GALK2: variants seen among roughly 807,000 people sequenced by gnomAD.
The protein encoded by GALK2 is galactokinase 2, also known as N-acetylgalactosamine kinase.
In GALK2, 36 loss-of-function variants were observed where a neutral mutation model predicts 52.4. The observed-to-expected ratio is 0.69, with a 90% CI of 0.53 to 0.91. The LOEUF is 0.91. Ranked by LOEUF, GALK2 falls within the 40% of genes least tolerant of loss-of-function variation. The probability of loss-of-function intolerance (pLI) is 0.00; values close to 1 mark genes in which losing one functional copy is unlikely to be tolerated. For synonymous variants in GALK2, 176 were observed against 199.1 expected, an observed-to-expected ratio of 0.88 and a Z score of 0.98; for missense variants, 579 against 559.1, an observed-to-expected ratio of 1.04 and a Z score of -0.36.
At chr15:49,366,378 T>A in intron 3 of GALK2, 1 of 791,316 alleles carries the variant, frequency 1.3e-6, no homozygotes, top group Non-Finnish European at 2.3e-6. Context: ...TTCTGTGCAT[T>A]TCTGGTGTTT....
intron 3 of GALK2, among the ~76,000 whole-genome samples, chr15:49,364,598 A>G (rs1294487129): frequency 2.0e-5 from 3 of 152,196 alleles, no homozygotes; most frequent in Admixed American, 2.0e-4. Context: ...AAAAAAACAT[A>G]CTACAAAAAT....
intron 1 of GALK2, among the ~76,000 whole-genome samples, chr15:49,189,845 GTTGT>G (rs1277643872): frequency 2.0e-5 from 3 of 152,120 alleles, no homozygotes; most frequent in East Asian, 1.9e-4. Context: ...AAACTTAGGA[GTTGT>G]TTATTTCTGT....
chr15:49,332,225 T>G (rs1017944993), downstream of GALK2, among the ~76,000 whole-genome samples: 4 of 152,112 alleles, frequency 2.6e-5, no homozygotes, highest in Non-Finnish European at 5.9e-5. Context: ...CAGTGGCACA[T>G]CCTCTTCAGT....
intron 8 of GALK2, among the ~76,000 whole-genome samples, chr15:49,308,793 A>C (rs2035753177): frequency 6.6e-6 from 1 of 152,210 alleles, no homozygotes; most frequent in African/African-American, 2.4e-5. Context: ...GGAGACTGGA[A>C]ATTTGATCAT....
At chr15:49,221,829 A>G (rs1200801839) in intron 3 of GALK2, among the ~76,000 whole-genome samples, 2 of 152,116 alleles carry the variant, frequency 1.3e-5, no homozygotes, top group South Asian at 2.1e-4. Flanking sequence ...TTTTGAGGTC[A>G]GATAGCGTGA....
In GALK2 at chr15:49,329,008, TTTC is replaced by T. The variant is rs201186301; in HGVS notation, c.*852_*854del. ...TAATTCAGTTTGTTCATAGAATTAC[TTTC>T]TTATCACTCTTTTTCTACTACTTTT... On this transcript the variant is annotated 3_prime_UTR_variant, in exon 10 of 10. Transcript: ENST00000560031. The T allele has an allele frequency of 3.8e-3, 3,834 of 1,015,682 alleles. 128 individuals carry two copies. The African/African-American group carries it at 0.063, about 17-fold the overall frequency. The allele number at this position is 1,015,682 out of a possible 1,614,324, so 62.9% of individuals were successfully genotyped here.
At chr15:49,206,447 C>A (rs924829442) in intron 2 of GALK2, among the ~76,000 whole-genome samples, 2 of 151,880 alleles carry the variant, frequency 1.3e-5, no homozygotes, top group African/African-American at 4.8e-5. Flanking sequence ...TTGATTCTAC[C>A]CATCCATGAG....
Position 49,328,362 on chromosome 15 carries a change from A to G in GALK2, c.*203A>G. ...TTCCATCTTAAAATATGGTTTTACT[A>G]TTAAGAGCCAAGATCATGCTTGGAC... On this transcript the variant is annotated 3_prime_UTR_variant, in exon 10 of 10. Transcript: ENST00000560031. 5.6e-6 allele frequency: 8 copies of G among 1,429,284 alleles called. No homozygotes were observed. Among genetic ancestry groups the G allele is most frequent in the Non-Finnish European group, 7.3e-6 (8 of 1,095,232 alleles). The allele number at this position is 1,429,284 out of a possible 1,614,324, so 88.5% of individuals were successfully genotyped here.
Position 49,328,234 on chromosome 15 carries a change from T to C in GALK2, c.*75T>C. On this transcript the variant is annotated 3_prime_UTR_variant, in exon 10 of 10. Coordinates refer to ENST00000560031, the MANE Select transcript of GALK2 (RefSeq NM_002044.4). ...CAGGACTTTCTGTGCCACAGTAAAT[T>C]AATCTTCCTTCTGTTTTGTATTATG... is the stretch of plus-strand genomic sequence containing the variant. 3 of 1,510,894 alleles carry C rather than the reference T, an allele frequency of 2.0e-6. No individual in the cohort carries two copies. Among genetic ancestry groups the C allele is most frequent in the Non-Finnish European group, 1.8e-6 (2 of 1,128,088 alleles). 93.6% of individuals were successfully genotyped at this position (1,510,894 alleles called of 1,614,324 possible). A position where few individuals can be genotyped will look rare whatever the true frequency, so the allele number is the denominator to read the frequency against.
At chr15:49,352,291 A>G (rs1327931497) in intron 3 of GALK2, among the ~76,000 whole-genome samples, 1 of 152,248 alleles carries the variant, frequency 6.6e-6, no homozygotes, top group African/African-American at 2.4e-5. Context: ...ATTACAAAAG[A>G]CTGTTCAAAC....
chr15:49,220,618 A>G (rs1031940861), intron 3 of GALK2, among the ~76,000 whole-genome samples: 15 of 152,214 alleles, frequency 9.9e-5, no homozygotes, highest in African/African-American at 3.6e-4. Context: ...TTGCTGGATC[A>G]TATGGTAGTT....
chr15:49,303,072 C>T (rs1277500700), intron 8 of GALK2, among the ~76,000 whole-genome samples: 1 of 152,072 alleles, frequency 6.6e-6, no homozygotes, highest in Admixed American at 6.6e-5. Context: ...TTTTGCCCAT[C>T]AGCTTCTATT....
At chr15:49,209,232 A>T (rs1050096406) in intron 2 of GALK2, among the ~76,000 whole-genome samples, 1 of 152,128 alleles carries the variant, frequency 6.6e-6, no homozygotes, top group Non-Finnish European at 1.5e-5. Flanking sequence ...AAAGCTTTTT[A>T]TGGTTTTTAG....
intron 5 of GALK2, among the ~76,000 whole-genome samples, chr15:49,264,128 T>C (rs1036261121): frequency 3.3e-5 from 5 of 151,672 alleles, no homozygotes; most frequent in African/African-American, 1.2e-4. Context: ...CCTTGCTAGA[T>C]TGGGGAAGTT....
chr15:49,268,360 G>T (rs1467953718), intron 5 of GALK2, among the ~76,000 whole-genome samples: 1 of 152,188 alleles, frequency 6.6e-6, no homozygotes, highest in Non-Finnish European at 1.5e-5. Context: ...AAGCTGAGTT[G>T]CAGGTACAAG....
At chr15:49,191,320 A>G (rs982754167) in intron 1 of GALK2, among the ~76,000 whole-genome samples, 11 of 151,874 alleles carry the variant, frequency 7.2e-5, no homozygotes, top group Non-Finnish European at 1.6e-4. Context: ...AAATTTGGCT[A>G]TTGTCTCTCT....
chr15:49,354,488 C>G (rs985113766), intron 3 of GALK2, among the ~76,000 whole-genome samples: 2 of 152,096 alleles, frequency 1.3e-5, no homozygotes, highest in African/African-American at 4.8e-5. Context: ...GGGTGACGGA[C>G]GGCACCTGGA....
At chr15:49,171,774 C>CTTTT (rs199923207) in intron 1 of GALK2, among the ~76,000 whole-genome samples, 3 of 130,996 alleles carry the variant, frequency 2.3e-5, no homozygotes, top group Non-Finnish European at 1.7e-5. Flanking sequence ...GTAGTTTAGT[C>CTTTT]TTATTTTTTT....
intron 5 of GALK2, among the ~76,000 whole-genome samples, chr15:49,240,727 A>G (rs569088626): frequency 2.6e-5 from 4 of 152,322 alleles, no homozygotes; most frequent in Admixed American, 1.3e-4. Flanking sequence ...AAATGTCTCA[A>G]TATGGTTGAA....
Sources: gnomAD v4.1 joint callset for allele counts (sites outside exome capture counted in the v4.1 genomes callset) on GRCh38, gnomAD v4.1.1 for gene constraint, MANE v1.5 for transcripts, NCBI Gene and HGNC (gene_info 2026-07-23, HGNC 2026-07-21) for gene names.